The following CDH20 variants were observed in gnomAD, a reference collection of about 807,000 sequenced individuals.
CDH20 encodes the protein cadherin-20.
CDH20 carries 29 observed loss-of-function variants against 74.2 expected under a neutral mutation model. The ratio of observed to expected loss-of-function variants is 0.39; its 90% CI spans 0.29 to 0.53. CDH20 has a LOEUF of 0.53. Among genes scored for constraint, CDH20 ranks in the 20% least tolerant of loss-of-function variants. The pLI, the probability that CDH20 is intolerant of heterozygous loss-of-function variation, is 0.69. For missense variants in CDH20, 988 were observed against 1,048.3 expected (o/e 0.94, Z 0.79); for synonymous variants, 469 against 405.4 (o/e 1.16, Z -1.88).
chr18:61,507,587 C>G (rs1404354819), intron 6 of CDH20, 27 bp downstream of exon 6: 8 of 1,513,452 alleles, frequency 5.3e-6, no homozygotes, highest in Admixed American at 1.8e-5. Context: ...TTCTAAACCA[C>G]TTTCATGGGT....
chr18:61,445,314 A>T (rs1235773744), intron 1 of CDH20, among the ~76,000 whole-genome samples: 2 of 152,112 alleles, frequency 1.3e-5, no homozygotes, highest in African/African-American at 2.4e-5. Context: ...CACAAAAAAA[A>T]TCCACAAATC....
intron 9 of CDH20, among the ~76,000 whole-genome samples, chr18:61,540,980 CA>C (rs1913014718): frequency 6.6e-6 from 1 of 152,138 alleles, no homozygotes; most frequent in South Asian, 2.1e-4. Flanking sequence ...TTCTTTTCAA[CA>C]AGTCTAGGAT....
chr18:61,389,021 T>C lies in CDH20; in HGVS notation c.-153+55194T>C, dbSNP rs563847934. Among the ~76,000 whole-genome samples the C allele has an allele frequency of 2.0e-5, 3 of 152,264 alleles. No individual in the cohort carries two copies. The South Asian group carries it at 6.2e-4, about 32-fold the overall frequency. On this transcript the variant is annotated intron_variant, in intron 1 of 11. Coordinates refer to ENST00000262717, the MANE Select transcript of CDH20 (RefSeq NM_031891.4). ...GAGATCATCTTATGAGGTCTGTAAATTTTGCTCCGAGAAGTTCCATTCAGG... is the reference window on the plus strand; with the variant it reads ...GAGATCATCTTATGAGGTCTGTAAACTTTGCTCCGAGAAGTTCCATTCAGG...
intron 2 of CDH20, among the ~76,000 whole-genome samples, chr18:61,494,908 G>A (rs1486335941): frequency 2.0e-5 from 3 of 152,156 alleles, no homozygotes; most frequent in South Asian, 4.1e-4. Context: ...AAGGTACTCT[G>A]AAAGATGACA....
At chr18:61,387,329 G>A (rs1911633482) in intron 1 of CDH20, among the ~76,000 whole-genome samples, 1 of 152,126 alleles carries the variant, frequency 6.6e-6, no homozygotes, top group Non-Finnish European at 1.5e-5. Context: ...GGAAGCCAGA[G>A]GTAGACAATT....
At chr18:61,544,949 T>G (rs1913183586) in intron 9 of CDH20, 78 bp from the exon 10 acceptor site, 1 of 904,860 alleles carries the variant, frequency 1.1e-6, no homozygotes, top group African/African-American at 1.6e-5. Context: ...CCATCGCGTT[T>G]CCGGGTTTGG....
chr18:61,462,857 G>A (rs1568149212), intron 1 of CDH20, among the ~76,000 whole-genome samples: 1 of 152,024 alleles, frequency 6.6e-6, no homozygotes, highest in Non-Finnish European at 1.5e-5. Context: ...AAGTTCAAAA[G>A]GTTCCTCAGG....
At chr18:61,400,287 G>A (rs2144224112) in intron 1 of CDH20, among the ~76,000 whole-genome samples, 1 of 152,308 alleles carries the variant, frequency 6.6e-6, no homozygotes, top group Admixed American at 6.5e-5. Context: ...GCCTGCTAAT[G>A]AGCATTAACT....
rs1232828229 is a variant in CDH20, at chr18:61,462,921, AT to A, written c.-152-27478del. 8.5e-5 allele frequency among the ~76,000 whole-genome samples: 13 copies of A among 152,320 alleles called. No individual in the cohort carries two copies. In the East Asian group the frequency reaches 2.5e-3, roughly 29 times the overall value. ...GTCATTTGCTCCACAAATATAAATA[AT>A]TTAGCATGGCAATTATTCTTTGATA... On this transcript the variant is annotated intron_variant, in intron 1 of 11. Coordinates refer to ENST00000262717, the MANE Select transcript of CDH20 (RefSeq NM_031891.4).
Position 61,539,154 on chromosome 18 carries a change from G to T in CDH20, c.1530+9G>T, listed in dbSNP as rs1458100226. 1.9e-6 allele frequency: 3 copies of T among 1,613,744 alleles called. No individual in the cohort carries two copies. ...ACGCCAAGGCAGGACAGGTAAGGTG[G>T]CCTGTGGGTGGTGCACTCTGCTTAA... On this transcript the variant is annotated intron_variant, in intron 9 of 11. Transcript: ENST00000262717.
At position 61,545,063 on chromosome 18, in the gene CDH20, C is replaced by A; in HGVS notation, c.1567C>A (p.Pro523Thr). 1 of 1,613,864 alleles carries A rather than the reference C, an allele frequency of 6.2e-7. No individual in the cohort carries two copies. Among genetic ancestry groups the A allele is most frequent in the South Asian group, 1.1e-5 (1 of 91,074 alleles). The change falls in exon 10 of 12, where the codon CCA becomes ACA. Residue 523 changes from proline to threonine, a missense_variant. By Grantham distance (38) the Pro-to-Thr change is conservative. Coordinates refer to ENST00000262717, the MANE Select transcript of CDH20 (RefSeq NM_031891.4). ...AGTGAGTGCGGTGGACCAAGATGAC[C>A]CACGCAATGGTCAGCATTTCTACTA... Reference protein sequence around the residue: ...QTVSAVDQDDPRNGQHFYYSL... With the variant: ...QTVSAVDQDDTRNGQHFYYSL...
chr18:61,554,476 G>C lies in CDH20; in HGVS notation c.2187G>C (p.Lys729Asn). ...CTGTCCACAGCTACGTGCTGGCCAA[G>C]CTCTACGAGGCCGACATGGACCTGT... The part of the protein sequence containing the change: ...NSTVHSYVLA[K>N]LYEADMDLWA... Residue 729 changes from lysine (K) to asparagine (N), a missense_variant, in exon 12 of 12, where the codon AAG becomes AAC. Physicochemically the swap from Lys to Asn is moderately conservative, Grantham distance 94 (BLOSUM62 0). Coordinates refer to ENST00000262717, the MANE Select transcript of CDH20 (RefSeq NM_031891.4). 6 of 1,613,062 alleles carry C rather than the reference G, an allele frequency of 3.7e-6. No homozygotes were observed. The highest frequency in any genetic ancestry group is 4.5e-5 in the East Asian group (2 of 44,866).
chr18:61,462,696 C>A (rs1909822333), intron 1 of CDH20, among the ~76,000 whole-genome samples: 1 of 129,882 alleles, frequency 7.7e-6, no homozygotes. Flanking sequence ...GACTAGTATC[C>A]AATAATGAAT....
rs1913529702 is a variant in CDH20, at chr18:61,554,049, G to A, written c.1901-141G>A. On this transcript the variant is annotated intron_variant, in intron 11 of 11. Coordinates refer to ENST00000262717, the MANE Select transcript of CDH20 (RefSeq NM_031891.4). ...TGGACTTAAATTAGAACTCCCCGAG[G>A]TTTCAGATATCCAAAAGCTATCTCT... 1.1e-5 allele frequency: 11 copies of A among 960,922 alleles called. No homozygotes were observed. In the South Asian group the frequency reaches 1.9e-4, roughly 17 times the overall value. 59.5% of individuals were successfully genotyped at this position (960,922 alleles called of 1,614,324 possible).
intron 6 of CDH20, among the ~76,000 whole-genome samples, chr18:61,517,936 AG>A (rs1420827587): frequency 6.6e-6 from 1 of 151,958 alleles, no homozygotes; most frequent in Non-Finnish European, 1.5e-5. Context: ...TGGTGGAGGG[AG>A]GGGGGTCCAC....
intron 1 of CDH20, among the ~76,000 whole-genome samples, chr18:61,416,931 CTAAAGTT>C (rs1486057662): frequency 6.6e-6 from 1 of 152,188 alleles, no homozygotes; most frequent in Non-Finnish European, 1.5e-5. Context: ...CCGTTTATAA[CTAAAGTT>C]CAAAGTCCAA....
At chr18:61,432,303 G>T (rs192488636) in intron 1 of CDH20, among the ~76,000 whole-genome samples, 1 of 150,388 alleles carries the variant, frequency 6.6e-6, no homozygotes, top group Non-Finnish European at 1.5e-5. Flanking sequence ...CTGTGCCACG[G>T]CACTGCCCTG....
intron 6 of CDH20, among the ~76,000 whole-genome samples, chr18:61,507,895 T>C (rs1181439399): frequency 1.3e-5 from 2 of 152,196 alleles, no homozygotes; most frequent in Non-Finnish European, 2.9e-5. Flanking sequence ...ACATTTGCAC[T>C]TGAATAACAT....
At chr18:61,379,102 A>G (rs941811218) in intron 1 of CDH20, among the ~76,000 whole-genome samples, 3 of 152,290 alleles carry the variant, frequency 2.0e-5, no homozygotes, top group African/African-American at 7.2e-5. Context: ...TCAGGCTTTT[A>G]GGCTGTATCT....
Sources: gnomAD v4.1 joint callset for allele counts (sites outside exome capture counted in the v4.1 genomes callset) on GRCh38, gnomAD v4.1.1 for gene constraint, MANE v1.5 for transcripts, NCBI Gene and HGNC (gene_info 2026-07-23, HGNC 2026-07-21) for gene names.